The following ANO5 variants were observed in gnomAD, a reference collection of about 807,000 sequenced individuals.
The protein encoded by ANO5 is anoctamin 5.
ANO5 carries 109 observed loss-of-function variants against 121.0 expected under a neutral mutation model. The ratio of observed to expected loss-of-function variants is 0.90; its 90% CI spans 0.77 to 1.06. ANO5 has a LOEUF of 1.06. Among genes scored for constraint, ANO5 ranks in the 50% least tolerant of loss-of-function variants. The pLI, the probability that ANO5 is intolerant of heterozygous loss-of-function variation, is 0.00. For missense variants in ANO5, 1,064 were observed against 1,078.5 expected, an observed-to-expected ratio of 0.99 and a Z score of 0.19; for synonymous variants, 406 against 359.9, an observed-to-expected ratio of 1.13 and a Z score of -1.45.
intron 9 of ANO5, among the ~76,000 whole-genome samples, chr11:22,240,148 CATA>C (rs557894690): frequency 1.3e-3 from 198 of 151,872 alleles, no homozygotes; most frequent in Non-Finnish European, 2.1e-3. Flanking sequence ...AAATTTGGAA[CATA>C]AGACAAAGGT....
intron 1 of ANO5, among the ~76,000 whole-genome samples, chr11:22,203,013 G>A (rs1425490529): frequency 6.6e-6 from 1 of 152,068 alleles, no homozygotes; most frequent in African/African-American, 2.4e-5. Context: ...CCTACAATAG[G>A]TCAATATCAA....
chr11:22,267,508 T>TTATATATATATATATA (rs567878499), intron 17 of ANO5, among the ~76,000 whole-genome samples: 1 of 126,064 alleles, frequency 7.9e-6, no homozygotes, highest in African/African-American at 4.7e-5. Context: ...ATATCTACAA[T>TTATATATATATATATA]TATATATATA....
At chr11:22,214,003 A>G (rs1260648465) in intron 3 of ANO5, among the ~76,000 whole-genome samples, 1 of 151,894 alleles carries the variant, frequency 6.6e-6, no homozygotes, top group African/African-American at 2.4e-5. Flanking sequence ...CCTTGGCCCA[A>G]GTAATCCTCT....
chr11:22,195,689 C>T (rs531491994), intron 1 of ANO5, among the ~76,000 whole-genome samples: 1 of 152,152 alleles, frequency 6.6e-6, no homozygotes, highest in African/African-American at 2.4e-5. Context: ...GACTTGGCCC[C>T]TCAAATTGCT....
At chr11:22,274,852 G>A (rs1305881452) in intron 20 of ANO5, 105 bp downstream of exon 20, 1 of 1,364,504 alleles carries the variant, frequency 7.3e-7, no homozygotes, top group East Asian at 2.5e-5. Flanking sequence ...TTTTCTTAGG[G>A]CAACAAAAAT....
At position 22,266,285 on chromosome 11, in the gene ANO5, G is replaced by T. The variant is rs569762282; in HGVS notation, c.1898+3242G>T. 6.7e-3 allele frequency among the ~76,000 whole-genome samples: 1,027 copies of T among 152,180 alleles called. 8 individuals are homozygous for T. Among genetic ancestry groups the T allele is most frequent in the African/African-American group, 0.023 (972 of 41,522 alleles). ...TGAACTGAGTGATCTCTTTTCCATT[G>T]TGACTCCAGTTAGAGTATGCTCGTC... On this transcript the variant is annotated intron_variant, in intron 17 of 21. Coordinates refer to ENST00000324559, the MANE Select transcript of ANO5 (RefSeq NM_213599.3).
chr11:22,243,109 T>C (rs1369566268), intron 9 of ANO5, among the ~76,000 whole-genome samples: 3 of 151,886 alleles, frequency 2.0e-5, no homozygotes, highest in African/African-American at 7.2e-5. Context: ...TTTTTAATCA[T>C]GAATGGAAAG....
At chr11:22,266,134 T>A (rs2133761179) in intron 17 of ANO5, among the ~76,000 whole-genome samples, 1 of 152,294 alleles carries the variant, frequency 6.6e-6, no homozygotes, top group East Asian at 1.9e-4. Context: ...AACTATTTTT[T>A]AAAAAGCAAG....
intron 12 of ANO5, among the ~76,000 whole-genome samples, chr11:22,252,055 A>AAAC (rs1564937284): frequency 1.3e-4 from 18 of 137,850 alleles, no homozygotes; most frequent in African/African-American, 5.1e-4. Context: ...AAAAAAAAAA[A>AAAC]AAAACTAGGC....
In ANO5 at chr11:22,272,772, T is replaced by A. The variant is rs1447935230; in HGVS notation, c.2030-12T>A. On this transcript the variant is annotated splice_polypyrimidine_tract_variant and intron_variant, in intron 18 of 21. Coordinates refer to ENST00000324559, the MANE Select transcript of ANO5 (RefSeq NM_213599.3). ...ACAATAATGAGTTCATGCCTTTTTC[T>A]TTTCTCTACAGTTACTCAATTTGGA... The A allele has an allele frequency of 1.2e-6, 2 of 1,611,936 alleles. No homozygotes were observed. The highest frequency in any genetic ancestry group is 1.3e-5 in the African/African-American group (1 of 74,884).
chr11:22,263,880 A>C (rs7946977), intron 17 of ANO5, among the ~76,000 whole-genome samples: 1 of 151,992 alleles, frequency 6.6e-6, no homozygotes, highest in Non-Finnish European at 1.5e-5. Context: ...ATATACACAC[A>C]ATTTCATAGT....
chr11:22,212,748 T>C (rs1381198052), intron 3 of ANO5, among the ~76,000 whole-genome samples: 1 of 151,834 alleles, frequency 6.6e-6, no homozygotes, highest in Non-Finnish European at 1.5e-5. Flanking sequence ...TTTTTCTACA[T>C]TGAGTGGTCA....
At chr11:22,238,130 A>AT (rs1004971381) in intron 8 of ANO5, among the ~76,000 whole-genome samples, 39 of 151,458 alleles carry the variant, frequency 2.6e-4, no homozygotes, top group East Asian at 5.8e-4. Context: ...CACTGTCACA[A>AT]TTTTTTTTTC....
intron 20 of ANO5, among the ~76,000 whole-genome samples, chr11:22,275,345 A>C (rs1170225854): frequency 6.6e-6 from 1 of 151,674 alleles, no homozygotes; most frequent in Non-Finnish European, 1.5e-5. Context: ...TATCAAGGCC[A>C]CTTAATTTAA....
intron 8 of ANO5, 62 bp downstream of exon 8, chr11:22,236,338 GGAGA>G: frequency 7.5e-7 from 1 of 1,325,334 alleles, no homozygotes. Context: ...TTCATTACTG[GGAGA>G]GAGAATCTTC....
At chr11:22,239,088 A>T (rs1853334554) in intron 8 of ANO5, among the ~76,000 whole-genome samples, 1 of 152,184 alleles carries the variant, frequency 6.6e-6, no homozygotes, top group African/African-American at 2.4e-5. Flanking sequence ...GTTTGTTGTA[A>T]TATTTTAAGT....
chr11:22,239,013 G>A (rs745547389), intron 8 of ANO5, among the ~76,000 whole-genome samples: 13 of 152,092 alleles, frequency 8.5e-5, no homozygotes, highest in Non-Finnish European at 1.9e-4. Flanking sequence ...AATAATATTA[G>A]TCAGTATCTA....
intron 13 of ANO5, among the ~76,000 whole-genome samples, chr11:22,256,428 AT>A (rs1345119737): frequency 6.6e-6 from 1 of 152,116 alleles, no homozygotes; most frequent in Non-Finnish European, 1.5e-5. Flanking sequence ...TTGAAAGATC[AT>A]GAAAACATCT....
At chr11:22,273,250 A>G (rs1854696260) in intron 19 of ANO5, among the ~76,000 whole-genome samples, 1 of 152,112 alleles carries the variant, frequency 6.6e-6, no homozygotes, top group African/African-American at 2.4e-5. Context: ...GACAGAAAAT[A>G]AGTAACAGTA....
Sources: gnomAD v4.1 joint callset for allele counts (sites outside exome capture counted in the v4.1 genomes callset) on GRCh38, gnomAD v4.1.1 for gene constraint, MANE v1.5 for transcripts, NCBI Gene and HGNC (gene_info 2026-07-23, HGNC 2026-07-21) for gene names.